AKT2: variants seen among roughly 807,000 people sequenced by gnomAD.
AKT2 encodes the protein RAC-beta serine/threonine-protein kinase.
AKT2 carries 16 observed loss-of-function variants against 58.6 expected under a neutral mutation model. The observed-to-expected ratio is 0.27, with a 90% CI of 0.18 to 0.41. AKT2 has a LOEUF of 0.41. Among genes scored for constraint, AKT2 ranks in the 10% least tolerant of loss-of-function variants. The probability of loss-of-function intolerance (pLI) is 1.00; values close to 1 mark genes in which losing one functional copy is unlikely to be tolerated. For missense variants in AKT2, 438 were observed against 661.0 expected (o/e 0.66, Z 3.70); for synonymous variants, 253 against 254.0 (o/e 1.00, Z 0.04).
rs2077495809 is a variant in AKT2 at position 40,285,307 on chromosome 19, C to G, written c.-211G>C. 3 of 394,938 alleles carry G rather than the reference C, an allele frequency of 7.6e-6. No individual in the cohort carries two copies. The highest frequency in any genetic ancestry group is 1.3e-5 in the Non-Finnish European group (3 of 223,688). The allele number at this position is 394,938 out of a possible 1,614,324, so 24.5% of individuals were successfully genotyped here. ...GCGCCGGCAGCGGCAGCGGCGGCGG[C>G]GACGCCTCCTCCGAGGCAGGCCCAA... is the stretch of plus-strand genomic sequence containing the variant. On this transcript the variant is annotated 5_prime_UTR_variant, in exon 1 of 14. Coordinates refer to ENST00000392038, the MANE Select transcript of AKT2 (RefSeq NM_001626.6).
chr19:40,276,603 A>G (rs2077330387), intron 1 of AKT2, among the ~76,000 whole-genome samples: 1 of 151,526 alleles, frequency 6.6e-6, no homozygotes, highest in Non-Finnish European at 1.5e-5. Context: ...TGACCTCGTG[A>G]TCCACCCTCC....
chr19:40,239,939 C>T, intron 7 of AKT2, 106 bp downstream of exon 7: 3 of 1,413,692 alleles, frequency 2.1e-6, no homozygotes, highest in Non-Finnish European at 2.0e-6. Flanking sequence ...CCCTGCCCGC[C>T]TGGCCTACCC....
rs757862155 is a variant in AKT2 at position 40,233,366 on chromosome 19, A to G, written c.*506T>C. The G allele has an allele frequency of 2.0e-4, 85 of 420,282 alleles. No homozygotes were observed. Among genetic ancestry groups the G allele is most frequent in the Non-Finnish European group, 3.2e-4 (72 of 221,574 alleles). 26.0% of individuals were successfully genotyped at this position (420,282 alleles called of 1,614,324 possible). ...TGGACATTATTGCTTTTCTGCCCCC[A>G]TAGGGGGACAGCGGGTGGGGGATTG... is the stretch of plus-strand genomic sequence containing the variant. On this transcript the variant is annotated 3_prime_UTR_variant, in exon 14 of 14. Transcript: ENST00000392038. The surrounding 1 kb of genome is among the most constrained non-coding windows in gnomAD (Gnocchi z 4.3).
Position 40,282,539 on chromosome 19 carries a change from G to A in AKT2, c.-85+2642C>T, listed in dbSNP as rs1327432845. On this transcript the variant is annotated intron_variant, in intron 1 of 13. Coordinates refer to ENST00000392038, the MANE Select transcript of AKT2 (RefSeq NM_001626.6). ...GCAGAGATGCTCAGGGCAGCCTGAG[G>A]CTCAGGGGTAAGAGGAAGGAAAGAC... is the stretch of plus-strand genomic sequence containing the variant. 3 of 532,222 alleles carry A rather than the reference G, an allele frequency of 5.6e-6. No individual in the cohort carries two copies. In the African/African-American group the frequency reaches 5.8e-5, roughly 10 times the overall value. The allele number at this position is 532,222 out of a possible 1,614,324, so 33.0% of individuals were successfully genotyped here. A position where few individuals can be genotyped will look rare whatever the true frequency, so the allele number is the denominator to read the frequency against.
At chr19:40,249,209 TTC>T (rs1406770269) in intron 4 of AKT2, among the ~76,000 whole-genome samples, 5 of 152,204 alleles carry the variant, frequency 3.3e-5, no homozygotes, top group Non-Finnish European at 7.4e-5. Flanking sequence ...GGCTCCAAAT[TTC>T]TGTTTTAAGT....
In AKT2 at chr19:40,234,936, A is replaced by AC. The variant is rs1430865654; in HGVS notation, c.1366+108dup. On this transcript the variant is annotated intron_variant, in intron 13 of 13. Transcript: ENST00000392038. The surrounding 1 kb of genome is among the most constrained non-coding windows in gnomAD (Gnocchi z 4.7). ...GAGCAGACTTGGGGAAATCTCCCAG[A>AC]CATGAAGCGGGGGCCTTCGAGGGCC... is the stretch of plus-strand genomic sequence containing the variant. 4 of 1,022,982 alleles carry AC rather than the reference A, an allele frequency of 3.9e-6. No individual in the cohort carries two copies. The highest frequency in any genetic ancestry group is 6.0e-6 in the Non-Finnish European group (4 of 661,920). 63.4% of individuals were successfully genotyped at this position (1,022,982 alleles called of 1,614,324 possible).
At position 40,235,307 on chromosome 19, in the gene AKT2, T is replaced by C; in HGVS notation, c.1219A>G (p.Arg407Gly). ...TGCCAGTTGATGCTGAGGAAGAACC[T>C]GTGCTCCATGACCTCCTTGGCATCG... ...PSDAKEVMEH[R>G]FFLSINWQDV... The change falls in exon 12 of 14, where the codon AGG becomes GGG. Residue 407 changes from arginine (R) to glycine (G), a missense_variant. Arg to Gly is a moderately radical substitution (Grantham distance 125). Around this residue, in one of 3 missense-constraint regions of AKT2, gnomAD observed 148 missense variants for 199.5 expected, o/e 0.74. Coordinates refer to ENST00000392038, the MANE Select transcript of AKT2 (RefSeq NM_001626.6). The surrounding 1 kb of genome is among the most constrained non-coding windows in gnomAD (Gnocchi z 6.3). 6.2e-7 allele frequency: 1 copy of C among 1,614,004 alleles called. No homozygotes were observed. Among genetic ancestry groups the C allele is most frequent in the Non-Finnish European group, 8.5e-7 (1 of 1,179,998 alleles).
chr19:40,257,206 G>T (rs749426282), intron 2 of AKT2, 152 bp from the exon 3 acceptor site: 5 of 1,078,338 alleles, frequency 4.6e-6, no homozygotes, highest in South Asian at 1.3e-5. Flanking sequence ...TCTCCCAGAG[G>T]AGCCCTCCAG....
At chr19:40,284,395 G>A (rs1361853533) in intron 1 of AKT2, among the ~76,000 whole-genome samples, 1 of 152,134 alleles carries the variant, frequency 6.6e-6, no homozygotes, top group African/African-American at 2.4e-5. Context: ...TTACTGCCTG[G>A]TAAATAATCT....
At chr19:40,282,690 C>T in intron 1 of AKT2, 1 of 364,188 alleles carries the variant, frequency 2.7e-6, no homozygotes, top group South Asian at 2.1e-5. Context: ...GGCTCAGTGA[C>T]CTGGGTTCAA....
At chr19:40,256,686 T>C (rs1201166616) in intron 3 of AKT2, among the ~76,000 whole-genome samples, 1 of 152,190 alleles carries the variant, frequency 6.6e-6, no homozygotes, top group Non-Finnish European at 1.5e-5. Context: ...AGGCGATGCA[T>C]GGGGCTGGGT....
intron 4 of AKT2, among the ~76,000 whole-genome samples, chr19:40,248,852 T>G (rs1974934292): frequency 2.4e-5 from 3 of 124,764 alleles, no homozygotes; most frequent in African/African-American, 6.4e-5. Context: ...GTGCAGGAGA[T>G]GAGGACAGGG....
At chr19:40,252,931 A>G (rs1975268881) in intron 4 of AKT2, among the ~76,000 whole-genome samples, 1 of 152,096 alleles carries the variant, frequency 6.6e-6, no homozygotes, top group African/African-American at 2.4e-5. Flanking sequence ...CTGGCTTGAG[A>G]TGGTAATTTT....
Position 40,242,737 on chromosome 19 carries a change from G to A in AKT2, c.288-50C>T, listed in dbSNP as rs1406876713. The A allele has an allele frequency of 1.9e-6, 3 of 1,598,172 alleles. No individual in the cohort carries two copies. Among genetic ancestry groups the A allele is most frequent in the Non-Finnish European group, 2.6e-6 (3 of 1,176,126 alleles). On this transcript the variant is annotated intron_variant, in intron 4 of 13. Coordinates refer to ENST00000392038, the MANE Select transcript of AKT2 (RefSeq NM_001626.6). The surrounding 1 kb of genome is among the most constrained non-coding windows in gnomAD (Gnocchi z 4.3). ...CAGCAGCCAGGAGTCCTGGGCCTCA[G>A]AGTCGAACAGCTGAGTGCCACCTCC...
At chr19:40,261,737 T>C (rs972890027) in intron 2 of AKT2, among the ~76,000 whole-genome samples, 3 of 152,092 alleles carry the variant, frequency 2.0e-5, no homozygotes, top group Non-Finnish European at 4.4e-5. Context: ...AACTAAGACA[T>C]AGGATACAAA....
chr19:40,257,186 C>G (rs1318795870), intron 2 of AKT2, 132 bp from the exon 3 acceptor site: 59 of 1,217,578 alleles, frequency 4.8e-5, no homozygotes, highest in African/African-American at 1.5e-5. Flanking sequence ...GGGGGACACA[C>G]GAGAATGCCT....
At position 40,271,360 on chromosome 19, in the gene AKT2, G is replaced by A. The variant is rs1420231249; in HGVS notation, c.-84-6009C>T. ...GAGGTTGACCTGAGCCTGGGAGGTA[G>A]AGGTTGCAGTGAGCTGAGATTGTGC... is the stretch of plus-strand genomic sequence containing the variant. On this transcript the variant is annotated intron_variant, in intron 1 of 13. Coordinates refer to ENST00000392038, the MANE Select transcript of AKT2 (RefSeq NM_001626.6). 4.1e-5 allele frequency among the ~76,000 whole-genome samples: 6 copies of A among 146,900 alleles called. No homozygotes were observed. In the East Asian group the frequency reaches 9.9e-4, roughly 24 times the overall value.
intron 1 of AKT2, among the ~76,000 whole-genome samples, chr19:40,266,563 G>A (rs1976370810): frequency 1.3e-5 from 2 of 152,196 alleles, no homozygotes; most frequent in South Asian, 4.1e-4. Flanking sequence ...GAGGCTGGGA[G>A]CAGCAATAAG....
chr19:40,249,619 C>T (rs1022583257), intron 4 of AKT2, among the ~76,000 whole-genome samples: 1 of 152,246 alleles, frequency 6.6e-6, no homozygotes, highest in Non-Finnish European at 1.5e-5. Context: ...ATCACCTCCC[C>T]GACCTAGAGG....
Sources: allele counts gnomAD v4.1 joint callset (sites outside exome capture counted in the v4.1 genomes callset), GRCh38; gene constraint gnomAD v4.1.1; regional missense constraint gnomAD v4.1.1; non-coding constraint Gnocchi (gnomAD v3.1); transcripts MANE v1.5; gene names NCBI Gene and HGNC (gene_info 2026-07-23, HGNC 2026-07-21).